Variants in NFATC2 observed in about 807,000 individuals in gnomAD.
The protein encoded by NFATC2 is nuclear factor of activated T cells 2, also known as nuclear factor of activated T-cells, cytoplasmic 2.
In NFATC2, 22 loss-of-function variants were observed where a neutral mutation model predicts 87.3. That is an observed-to-expected ratio of 0.25 (90% CI 0.18 to 0.36). The LOEUF is 0.36. NFATC2 is among the 10% of genes least tolerant of loss of function. NFATC2 has a pLI of 1.00. For synonymous variants in NFATC2, 565 were observed against 542.2 expected (o/e 1.04, Z -0.58); for missense variants, 1,149 against 1,259.1 (o/e 0.91, Z 1.32).
chr20:51,469,806 C>G (rs543139698), intron 5 of NFATC2, among the ~76,000 whole-genome samples: 1 of 152,172 alleles, frequency 6.6e-6, no homozygotes, highest in East Asian at 1.9e-4. Context: ...ATGGCACCGG[C>G]GGTTTCTCCC....
At chr20:51,439,303 C>T (rs901418042) in intron 6 of NFATC2, among the ~76,000 whole-genome samples, 4 of 152,216 alleles carry the variant, frequency 2.6e-5, no homozygotes, top group Admixed American at 1.3e-4. Flanking sequence ...GGCAGGTCTC[C>T]TCACCCCATC....
chr20:51,445,937 G>A (rs1985001983), intron 6 of NFATC2, among the ~76,000 whole-genome samples: 1 of 152,182 alleles, frequency 6.6e-6, no homozygotes, highest in Non-Finnish European at 1.5e-5. Context: ...CACCCTAGAC[G>A]TGACTCTTCT....
intron 10 of NFATC2, among the ~76,000 whole-genome samples, chr20:51,397,215 A>G (rs1293138020): frequency 6.6e-6 from 1 of 152,212 alleles, no homozygotes; most frequent in Non-Finnish European, 1.5e-5. Flanking sequence ...AAAACTGAAA[A>G]GGCCTGTTAC....
chr20:51,518,908 C>A (rs1424099074), intron 2 of NFATC2, among the ~76,000 whole-genome samples: 1 of 152,152 alleles, frequency 6.6e-6, no homozygotes, highest in Non-Finnish European at 1.5e-5. Context: ...TCAAACTATC[C>A]TCCTGCTTCA....
intron 9 of NFATC2, among the ~76,000 whole-genome samples, chr20:51,425,826 C>T (rs1335266666): frequency 1.3e-5 from 2 of 152,214 alleles, no homozygotes; most frequent in Admixed American, 1.3e-4. Flanking sequence ...TGCGTAGAGC[C>T]TTTTCAAAGC....
At chr20:51,535,184 G>GCAA (rs2076699424) in intron 1 of NFATC2, among the ~76,000 whole-genome samples, 1 of 152,156 alleles carries the variant, frequency 6.6e-6, no homozygotes, top group Non-Finnish European at 1.5e-5. Context: ...TAATCCTCCT[G>GCAA]CAACAGGACT....
intron 5 of NFATC2, among the ~76,000 whole-genome samples, chr20:51,459,067 G>A (rs115891471): frequency 1.2e-3 from 180 of 152,240 alleles, no homozygotes; most frequent in African/African-American, 4.2e-3. Flanking sequence ...CTGCCCTCAC[G>A]GGTCTGCTTC....
chr20:51,411,290 T>C (rs1420468735), intron 9 of NFATC2, among the ~76,000 whole-genome samples: 1 of 152,086 alleles, frequency 6.6e-6, no homozygotes, highest in African/African-American at 2.4e-5. Context: ...ACATTTCATT[T>C]AATAGTAAAG....
chr20:51,549,853 G>A (rs1369551189), intron 1 of NFATC2, among the ~76,000 whole-genome samples: 1 of 152,218 alleles, frequency 6.6e-6, no homozygotes, highest in Non-Finnish European at 1.5e-5. Context: ...CTTAGAAGGA[G>A]CCTGCACTTG....
In NFATC2 at chr20:51,454,622, C is replaced by T; in HGVS notation, c.1775G>A (p.Gly592Asp). The T allele has an allele frequency of 6.2e-7, 1 of 1,614,108 alleles. No individual in the cohort carries two copies. The highest frequency in any genetic ancestry group is 8.5e-7 in the Non-Finnish European group (1 of 1,180,036). Residue 592 changes from glycine to aspartate, a missense_variant, in exon 6 of 11, where the codon GGC becomes GAC. Gly to Asp is a moderately conservative substitution (Grantham distance 94). Around this residue, in one of 3 missense-constraint regions of NFATC2, gnomAD observed 581 missense variants for 649.7 expected, o/e 0.89. Coordinates refer to ENST00000371564, the MANE Select transcript of NFATC2 (RefSeq NM_012340.5). ...RQDTDSCLVY[G>D]GQQMILTGQN... ...CCCCGTGAGGATCATTTGCTGGCCGCCATAGACCAGGCAGCTGTCTGTGTC... is the reference window on the plus strand; with the variant it reads ...CCCCGTGAGGATCATTTGCTGGCCGTCATAGACCAGGCAGCTGTCTGTGTC...
chr20:51,481,313 G>C (rs761297848), intron 3 of NFATC2, among the ~76,000 whole-genome samples: 4 of 151,774 alleles, frequency 2.6e-5, no homozygotes, highest in Non-Finnish European at 5.9e-5. Context: ...CCCCATTTTC[G>C]GGAGACCTCG....
At chr20:51,504,904 C>T (rs2076149943) in intron 3 of NFATC2, among the ~76,000 whole-genome samples, 2 of 150,246 alleles carry the variant, frequency 1.3e-5, no homozygotes, top group Non-Finnish European at 2.9e-5. Context: ...TTTGTGAGCT[C>T]AAGTGTGCAG....
intron 6 of NFATC2, among the ~76,000 whole-genome samples, chr20:51,453,516 A>C (rs1470012915): frequency 2.6e-5 from 4 of 152,256 alleles, no homozygotes; most frequent in African/African-American, 4.8e-5. Context: ...AGTATCCAAA[A>C]TAAGTGTCCC....
chr20:51,425,391 G>A (rs1029370436), intron 9 of NFATC2, among the ~76,000 whole-genome samples: 1 of 152,208 alleles, frequency 6.6e-6, no homozygotes, highest in Non-Finnish European at 1.5e-5. Context: ...TACCAGCAAG[G>A]CCTACGCTGA....
At chr20:51,503,574 C>T (rs906374181) in intron 3 of NFATC2, among the ~76,000 whole-genome samples, 2 of 152,174 alleles carry the variant, frequency 1.3e-5, no homozygotes, top group Admixed American at 6.5e-5. Context: ...CTAGGCTCCC[C>T]AGGTTCTACT....
At chr20:51,421,799 T>C (rs1185116367) in intron 9 of NFATC2, among the ~76,000 whole-genome samples, 1 of 152,224 alleles carries the variant, frequency 6.6e-6, no homozygotes, top group Non-Finnish European at 1.5e-5. Context: ...ACAAAATATC[T>C]GCGGGCGAAA....
rs370457302 is a variant in NFATC2 at position 51,396,546 on chromosome 20, G to A, written c.*44+2097C>T. On this transcript the variant is annotated intron_variant, in intron 10 of 10. Transcript: ENST00000371564. Reference sequence around the variant, plus strand: ...ACCTCAAGCATGTTTTCCAAAATCTGGTGAGACCACGTGAGTGCCCACGAG... The same window carrying A: ...ACCTCAAGCATGTTTTCCAAAATCTAGTGAGACCACGTGAGTGCCCACGAG... Among the ~76,000 whole-genome samples, 108 of 152,252 alleles carry A rather than the reference G, an allele frequency of 7.1e-4. 1 individual carries two copies. The highest frequency in any genetic ancestry group is 2.0e-3 in the African/African-American group (85 of 41,558).
chr20:51,452,134 C>T (rs771239553), intron 6 of NFATC2, among the ~76,000 whole-genome samples: 1 of 152,130 alleles, frequency 6.6e-6, no homozygotes, highest in East Asian at 1.9e-4. Context: ...CCTCAAGCAA[C>T]GCTACTCCTC....
At chr20:51,422,032 C>T (rs1981003172) in intron 9 of NFATC2, among the ~76,000 whole-genome samples, 1 of 152,200 alleles carries the variant, frequency 6.6e-6, no homozygotes, top group South Asian at 2.1e-4. Flanking sequence ...GCTTATGCAA[C>T]AGAACCTCTA....
Sources: gnomAD v4.1 joint callset for allele counts (sites outside exome capture counted in the v4.1 genomes callset) on GRCh38, gnomAD v4.1.1 for gene constraint, gnomAD v4.1.1 regional missense constraint, MANE v1.5 for transcripts, NCBI Gene and HGNC (gene_info 2026-07-23, HGNC 2026-07-21) for gene names.